Variants in IFIT2 observed in about 807,000 individuals in gnomAD.
The protein encoded by IFIT2 is interferon induced protein with tetratricopeptide repeats 2, also known as interferon-induced protein with tetratricopeptide repeats 2.
IFIT2 carries 3 observed loss-of-function variants against 2.5 expected under a neutral mutation model. That is an observed-to-expected ratio of 1.21 (90% CI 0.55 to 3.14). The LOEUF is 3.14. Among genes scored for constraint, IFIT2 ranks in the 30% most tolerant of loss-of-function variants. The pLI, the probability that IFIT2 is intolerant of heterozygous loss-of-function variation, is 0.03. For synonymous variants in IFIT2, 212 were observed against 200.7 expected, an observed-to-expected ratio of 1.06 and a Z score of -0.48; for missense variants, 493 against 558.9, an observed-to-expected ratio of 0.88 and a Z score of 1.19.
intron 1 of IFIT2, among the ~76,000 whole-genome samples, chr10:89,304,007 G>T (rs1023818895): frequency 6.6e-6 from 1 of 152,306 alleles, no homozygotes; most frequent in Admixed American, 6.5e-5. Flanking sequence ...GTCCTGTTCT[G>T]ATCCTCCTGG....
chr10:89,304,250 T>A (rs1484046392), intron 1 of IFIT2, among the ~76,000 whole-genome samples: 1 of 151,984 alleles, frequency 6.6e-6, no homozygotes, highest in African/African-American at 2.4e-5. Flanking sequence ...AGTCCCTTGA[T>A]GTAACTAACC....
chr10:89,302,068 A>T lies in IFIT2; in HGVS notation c.-56A>T, dbSNP rs546213620. ...GGTGGCAGAAGAGGAAGATTTCTGAAGAGTGCAGCTGCCTGAACCGAGCCC... is the reference window on the plus strand; with the variant it reads ...GGTGGCAGAAGAGGAAGATTTCTGATGAGTGCAGCTGCCTGAACCGAGCCC... On this transcript the variant is annotated 5_prime_UTR_variant, in exon 1 of 2. It adds an upstream start codon to the 5' untranslated region. Transcript: ENST00000371826. 3 of 1,609,288 alleles carry T rather than the reference A, an allele frequency of 1.9e-6. No individual in the cohort carries two copies. In the African/African-American group the frequency reaches 4.0e-5, roughly 21 times the overall value.
rs1843502328 is a variant in IFIT2, at chr10:89,309,223, T to C, written c.*1848T>C. On this transcript the variant is annotated 3_prime_UTR_variant, in exon 2 of 2. Transcript: ENST00000371826. ...TGTTAAATTTTGTGCTTTCATCACATTTTCTCTATTCTGACCTCTGTTATG... is the reference window on the plus strand; with the variant it reads ...TGTTAAATTTTGTGCTTTCATCACACTTTCTCTATTCTGACCTCTGTTATG... 1 of 152,204 alleles carries C rather than the reference T, an allele frequency of 6.6e-6. No individual in the cohort carries two copies. Among genetic ancestry groups the C allele is most frequent in the African/African-American group, 2.4e-5 (1 of 41,436 alleles). The allele number at this position is 152,204 out of a possible 1,614,324, so 9.4% of individuals were successfully genotyped here.
In IFIT2 at chr10:89,306,274, C is replaced by T. The variant is rs1564781538; in HGVS notation, c.318C>T (p.His106=). 6.2e-7 allele frequency: 1 copy of T among 1,614,144 alleles called. No homozygotes were observed. The highest frequency in any genetic ancestry group is 1.3e-5 in the African/African-American group (1 of 75,048). Residue 106 remains histidine, a synonymous_variant, in exon 2 of 2, where the codon CAC becomes CAT. Coordinates refer to ENST00000371826, the MANE Select transcript of IFIT2 (RefSeq NM_001547.5). ...TWGNYAWVYY[H]MGRLSDVQIY... ...GAAACTATGCCTGGGTCTACTATCA[C>T]ATGGGCCGACTCTCAGACGTTCAGA...
intron 1 of IFIT2, among the ~76,000 whole-genome samples, chr10:89,304,872 C>T (rs1433285951): frequency 6.6e-6 from 1 of 151,692 alleles, no homozygotes; most frequent in Non-Finnish European, 1.5e-5. Flanking sequence ...CATAAGGGTA[C>T]CCTAAAGAAA....
chr10:89,306,116 T>A lies in IFIT2; in HGVS notation c.160T>A (p.Cys54Ser), dbSNP rs1451914323. 6.2e-7 allele frequency: 1 copy of A among 1,614,144 alleles called. No homozygotes were observed. Among genetic ancestry groups the A allele is most frequent in the Non-Finnish European group, 8.5e-7 (1 of 1,179,994 alleles). The change falls in exon 2 of 2, where the codon TGC (cysteine) becomes AGC (serine). Residue 54 changes from cysteine (C) to serine (S), a missense_variant. Coordinates refer to ENST00000371826, the MANE Select transcript of IFIT2 (RefSeq NM_001547.5). ...FQNREFKATM[C>S]NLLAYLKHLK... ...GAATCGTGAATTCAAAGCCACAATGTGCAACCTACTGGCCTATCTAAAGCA... is the reference window on the plus strand; with the variant it reads ...GAATCGTGAATTCAAAGCCACAATGAGCAACCTACTGGCCTATCTAAAGCA...
In IFIT2 at chr10:89,306,917, G is replaced by C; in HGVS notation, c.961G>C (p.Ala321Pro). 1 of 1,613,936 alleles carries C rather than the reference G, an allele frequency of 6.2e-7. No homozygotes were observed. The highest frequency in any genetic ancestry group is 8.5e-7 in the Non-Finnish European group (1 of 1,179,894). The change falls in exon 2 of 2, where the codon GCT (alanine) becomes CCT (proline). Residue 321 changes from alanine to proline, a missense_variant. Transcript: ENST00000371826. ...KLLELIGHAV[A>P]HLKKADEAND... ...ACTGGAACTAATAGGACACGCTGTG[G>C]CTCATCTGAAGAAAGCTGATGAGGC...
intron 1 of IFIT2, among the ~76,000 whole-genome samples, chr10:89,302,482 C>A (rs1380614561): frequency 1.3e-5 from 2 of 152,090 alleles, no homozygotes; most frequent in African/African-American, 4.8e-5. Context: ...CTGACCCTGT[C>A]TTATTTCATA....
At position 89,308,739 on chromosome 10, in the gene IFIT2, A is replaced by G. The variant is rs1039546966; in HGVS notation, c.*1364A>G. 16 of 152,228 alleles carry G rather than the reference A, an allele frequency of 1.1e-4. No homozygotes were observed. The highest frequency in any genetic ancestry group is 2.2e-4 in the Non-Finnish European group (15 of 68,044). The allele number at this position is 152,228 out of a possible 1,614,324, so 9.4% of individuals were successfully genotyped here. ...ATCAACATTATTTTATTGTGCAATT[A>G]AAACAATACAAATTCATGGTTTTTT... On this transcript the variant is annotated 3_prime_UTR_variant, in exon 2 of 2. Coordinates refer to ENST00000371826, the MANE Select transcript of IFIT2 (RefSeq NM_001547.5).
chr10:89,307,756 G>C lies in IFIT2; in HGVS notation c.*381G>C, dbSNP rs1042272485. The C allele has an allele frequency of 1.7e-4, 30 of 181,536 alleles. No individual in the cohort carries two copies. The highest frequency in any genetic ancestry group is 6.4e-4 in the African/African-American group (27 of 42,516). The allele number at this position is 181,536 out of a possible 1,614,324, so 11.2% of individuals were successfully genotyped here. On this transcript the variant is annotated 3_prime_UTR_variant, in exon 2 of 2. Transcript: ENST00000371826. Reference sequence around the variant, plus strand: ...TATTGAAGTCCATTTTTGCAATGTTGTTCCATACTTGGAGTCATTTTGCAT... The same window carrying C: ...TATTGAAGTCCATTTTTGCAATGTTCTTCCATACTTGGAGTCATTTTGCAT...
At position 89,306,772 on chromosome 10, in the gene IFIT2, G is replaced by A; in HGVS notation, c.816G>A (p.Lys272=). 1 of 1,614,102 alleles carries A rather than the reference G, an allele frequency of 6.2e-7. No individual in the cohort carries two copies. Among genetic ancestry groups the A allele is most frequent in the Non-Finnish European group, 8.5e-7 (1 of 1,179,970 alleles). ...EPDKAIELLK[K]ALEYIPNNAY... ...ACAAAGCGATTGAACTGCTTAAAAA[G>A]GCTTTAGAATACATACCAAACAATG... Residue 272 remains lysine (K), a synonymous_variant, in exon 2 of 2, where the codon AAG becomes AAA. Coordinates refer to ENST00000371826, the MANE Select transcript of IFIT2 (RefSeq NM_001547.5).
rs571821578 is a variant in IFIT2 at position 89,305,701 on chromosome 10, A to G, written c.6-261A>G. Among the ~76,000 whole-genome samples, 11 of 152,312 alleles carry G rather than the reference A, an allele frequency of 7.2e-5. No individual in the cohort carries two copies. In the South Asian group the frequency reaches 2.3e-3, roughly 32 times the overall value. ...AGAGCTGTTTAACAAAAACTGTCTT[A>G]TTCATGAAAACCTAGCCACAGACTC... is the stretch of plus-strand genomic sequence containing the variant. On this transcript the variant is annotated intron_variant, in intron 1 of 1. Coordinates refer to ENST00000371826, the MANE Select transcript of IFIT2 (RefSeq NM_001547.5).
intron 1 of IFIT2, among the ~76,000 whole-genome samples, chr10:89,303,387 T>C (rs1564780621): frequency 6.6e-6 from 1 of 152,218 alleles, no homozygotes; most frequent in Admixed American, 6.5e-5. Context: ...GTGGTAGCAT[T>C]AGTTCTGAGC....
intron 1 of IFIT2, 120 bp downstream of exon 1, chr10:89,302,248 T>C (rs1204338011): frequency 2.0e-6 from 2 of 1,022,830 alleles, no homozygotes; most frequent in African/African-American, 1.6e-5. Context: ...ATAGCCTTAC[T>C]ATGCCTCTAC....
In IFIT2 at chr10:89,306,070, A is replaced by C. The variant is rs776089158; in HGVS notation, c.114A>C (p.Val38=). The C allele has an allele frequency of 2.5e-6, 4 of 1,614,128 alleles. No homozygotes were observed. In the South Asian group the frequency reaches 4.4e-5, roughly 18 times the overall value. The change falls in exon 2 of 2, where the codon GTA becomes GTC. Residue 38 remains valine, a synonymous_variant. Transcript: ENST00000371826. ...ENSLDDFEDK[V]FYRTEFQNRE... ...CCTTGGATGATTTTGAAGACAAAGT[A>C]TTTTACCGGACTGAGTTTCAGAATC...
chr10:89,307,483 T>A lies in IFIT2; in HGVS notation c.*108T>A. The A allele has an allele frequency of 1.1e-6, 1 of 887,070 alleles. No individual in the cohort carries two copies. The highest frequency in any genetic ancestry group is 1.7e-6 in the Non-Finnish European group (1 of 579,400). 54.9% of individuals were successfully genotyped at this position (887,070 alleles called of 1,614,324 possible). A position where few individuals can be genotyped will look rare whatever the true frequency, so the allele number is the denominator to read the frequency against. Reference sequence around the variant, plus strand: ...TGACTGGTATGGCAAAAGATTGGACTAAGACACTGGCCATACCACTGGACA... The same window carrying A: ...TGACTGGTATGGCAAAAGATTGGACAAAGACACTGGCCATACCACTGGACA... On this transcript the variant is annotated 3_prime_UTR_variant, in exon 2 of 2. Coordinates refer to ENST00000371826, the MANE Select transcript of IFIT2 (RefSeq NM_001547.5).
Position 89,306,763 on chromosome 10 carries a change from G to A in IFIT2, c.807G>A (p.Leu269=). Reference sequence around the variant, plus strand: ...ATGAGCCAGACAAAGCGATTGAACTGCTTAAAAAGGCTTTAGAATACATAC... The same window carrying A: ...ATGAGCCAGACAAAGCGATTGAACTACTTAAAAAGGCTTTAGAATACATAC... ...RKDEPDKAIE[L]LKKALEYIPN... is the part of the protein sequence containing the mutation. The change falls in exon 2 of 2, where the codon CTG becomes CTA. Residue 269 remains leucine, a synonymous_variant. Coordinates refer to ENST00000371826, the MANE Select transcript of IFIT2 (RefSeq NM_001547.5). The A allele has an allele frequency of 6.2e-7, 1 of 1,614,114 alleles. No individual in the cohort carries two copies. The highest frequency in any genetic ancestry group is 8.5e-7 in the Non-Finnish European group (1 of 1,179,968).
At chr10:89,302,190 G>A (rs1843449347) in intron 1 of IFIT2, 62 bp downstream of exon 1, 7 of 1,574,364 alleles carry the variant, frequency 4.4e-6, no homozygotes, top group South Asian at 1.1e-5. Flanking sequence ...TGCAAATCCT[G>A]AGAAGCTATG....
rs1026002095 is a variant in IFIT2 at position 89,307,084 on chromosome 10, G to A, written c.1128G>A (p.Arg376=). ...TAGCGAAACAACTGCTCCATCTGCGGTATGGCAACTTTCAGCTGTACCAAA... is the reference window on the plus strand; with the variant it reads ...TAGCGAAACAACTGCTCCATCTGCGATATGGCAACTTTCAGCTGTACCAAA... ...TPVAKQLLHL[R]YGNFQLYQMK... is the part of the protein sequence containing the mutation. The change falls in exon 2 of 2, where the codon CGG becomes CGA. Residue 376 remains arginine (R), a synonymous_variant. Coordinates refer to ENST00000371826, the MANE Select transcript of IFIT2 (RefSeq NM_001547.5). The A allele has an allele frequency of 1.2e-6, 2 of 1,614,040 alleles. No homozygotes were observed. The highest frequency in any genetic ancestry group is 3.3e-5 in the Admixed American group (2 of 60,008).
Sources: allele counts gnomAD v4.1 joint callset (sites outside exome capture counted in the v4.1 genomes callset), GRCh38; gene constraint gnomAD v4.1.1; transcripts MANE v1.5; gene names NCBI Gene and HGNC (gene_info 2026-07-23, HGNC 2026-07-21).